Variants in PIK3R1 observed in about 807,000 individuals in gnomAD.
PIK3R1 encodes the protein phosphoinositide-3-kinase regulatory subunit 1.
PIK3R1 carries 29 observed loss-of-function variants against 98.0 expected under a neutral mutation model. The observed-to-expected ratio is 0.30, with a 90% CI of 0.22 to 0.40. The LOEUF (loss-of-function observed/expected upper bound fraction) is 0.40. Ranked by LOEUF, PIK3R1 falls within the 10% of genes least tolerant of loss-of-function variation. The pLI is 1.00. For missense variants in PIK3R1, 596 were observed against 872.7 expected (o/e 0.68, Z 3.99); for synonymous variants, 282 against 311.8 (o/e 0.90, Z 1.01).
chr5:68,295,364 T>C, intron 13 of PIK3R1, 40 bp downstream of exon 13: 1 of 1,611,164 alleles, frequency 6.2e-7, no homozygotes, highest in Non-Finnish European at 8.5e-7. Flanking sequence ...GAATAATTGG[T>C]GATTGCTACA....
intron 2 of PIK3R1, among the ~76,000 whole-genome samples, chr5:68,249,050 A>G (rs1745204698): frequency 1.3e-5 from 2 of 152,226 alleles, no homozygotes; most frequent in Non-Finnish European, 2.9e-5. Context: ...AAATATTACC[A>G]AGGAATTTAA....
At chr5:68,262,608 T>C (rs1488769159) in intron 2 of PIK3R1, among the ~76,000 whole-genome samples, 1 of 146,440 alleles carries the variant, frequency 6.8e-6, no homozygotes, top group African/African-American at 2.5e-5. Flanking sequence ...TGTATACACA[T>C]GTATACACAT....
intron 7 of PIK3R1, among the ~76,000 whole-genome samples, chr5:68,289,493 T>C (rs1197573969): frequency 1.3e-5 from 2 of 151,996 alleles, no homozygotes; most frequent in East Asian, 3.9e-4. Context: ...GTGACATACA[T>C]GTGTACATAG....
chr5:68,233,104 A>T (rs572902604), intron 2 of PIK3R1, among the ~76,000 whole-genome samples: 2 of 152,254 alleles, frequency 1.3e-5, no homozygotes, highest in African/African-American at 2.4e-5. Flanking sequence ...GAAATTCAAC[A>T]ACAAATGCTG....
chr5:68,231,733 C>T (rs1042727509), intron 2 of PIK3R1, among the ~76,000 whole-genome samples: 8 of 152,218 alleles, frequency 5.3e-5, no homozygotes, highest in Non-Finnish European at 8.8e-5. Flanking sequence ...CCTGCCTTTA[C>T]GAATTCTGTT....
chr5:68,277,003 A>G (rs1043908130), intron 4 of PIK3R1, among the ~76,000 whole-genome samples: 2 of 152,110 alleles, frequency 1.3e-5, no homozygotes, highest in Non-Finnish European at 2.9e-5. Flanking sequence ...GTGTCTTGTT[A>G]GAGGGGTGGC....
At chr5:68,295,718 C>A in intron 14 of PIK3R1, 1 of 558,558 alleles carries the variant, frequency 1.8e-6, no homozygotes, top group Non-Finnish European at 3.2e-6. Flanking sequence ...CTCTCTGTGT[C>A]CATAATGATG....
At chr5:68,217,954 CAG>C (rs1308749196) in intron 1 of PIK3R1, among the ~76,000 whole-genome samples, 2 of 152,120 alleles carry the variant, frequency 1.3e-5, no homozygotes, top group African/African-American at 4.8e-5. Context: ...AGTTGCATAA[CAG>C]AACTCTGCAG....
At chr5:68,281,611 G>T (rs1746843437) in intron 7 of PIK3R1, among the ~76,000 whole-genome samples, 1 of 152,164 alleles carries the variant, frequency 6.6e-6, no homozygotes. Flanking sequence ...TTCTACCGTG[G>T]AAAGTCTAAA....
At chr5:68,268,078 T>C (rs906641525) in intron 2 of PIK3R1, among the ~76,000 whole-genome samples, 1 of 152,036 alleles carries the variant, frequency 6.6e-6, no homozygotes, top group Non-Finnish European at 1.5e-5. Context: ...ACGATGCCTG[T>C]CATGTTTATA....
chr5:68,276,789 C>T (rs1746589088), intron 4 of PIK3R1, among the ~76,000 whole-genome samples: 1 of 152,312 alleles, frequency 6.6e-6, no homozygotes, highest in African/African-American at 2.4e-5. Flanking sequence ...TGATATACCT[C>T]ATGTGTTGGA....
At chr5:68,217,085 T>C (rs1041894323) in intron 1 of PIK3R1, among the ~76,000 whole-genome samples, 1 of 151,956 alleles carries the variant, frequency 6.6e-6, no homozygotes, top group African/African-American at 2.4e-5. Context: ...TGATTTTAGG[T>C]TTTTTTTCTT....
intron 15 of PIK3R1, among the ~76,000 whole-genome samples, 154 bp downstream of exon 15, chr5:68,296,495 A>G (rs991848024): frequency 2.0e-5 from 3 of 152,240 alleles, no homozygotes; most frequent in Admixed American, 6.5e-5. Context: ...AAGCAGCTGT[A>G]ATACCATTTT....
intron 2 of PIK3R1, among the ~76,000 whole-genome samples, chr5:68,249,809 G>A (rs1319133411): frequency 1.3e-5 from 2 of 152,134 alleles, no homozygotes. Flanking sequence ...CAGTCACGTA[G>A]CCATTTGAAG....
At chr5:68,280,863 G>C (rs1233684163) in intron 6 of PIK3R1, 64 bp from the exon 7 acceptor site, 13 of 1,265,296 alleles carry the variant, frequency 1.0e-5, no homozygotes, top group Non-Finnish European at 1.5e-5. Flanking sequence ...TCACTTGAGT[G>C]TATATAAATG....
chr5:68,262,589 GTATCTGCATGTATACA>G, intron 2 of PIK3R1, among the ~76,000 whole-genome samples: 1 of 138,746 alleles, frequency 7.2e-6, no homozygotes, highest in Non-Finnish European at 1.6e-5. Context: ...GTATACACAT[GTATCTGCATGTATACA>G]CATGTATACA....
At chr5:68,256,254 G>T (rs1353437254) in intron 2 of PIK3R1, among the ~76,000 whole-genome samples, 1 of 152,114 alleles carries the variant, frequency 6.6e-6, no homozygotes, top group Admixed American at 6.5e-5. Flanking sequence ...TGTTGAGACG[G>T]AGTCTCGCTC....
intron 4 of PIK3R1, among the ~76,000 whole-genome samples, chr5:68,277,137 T>A (rs1176262708): frequency 6.6e-6 from 1 of 152,218 alleles, no homozygotes; most frequent in African/African-American, 2.4e-5. Context: ...ATAAGCAAAT[T>A]CGGTAATATT....
At chr5:68,227,172 T>G (rs767426393) in intron 2 of PIK3R1, among the ~76,000 whole-genome samples, 163 bp downstream of exon 2, 2 of 152,130 alleles carry the variant, frequency 1.3e-5, no homozygotes, top group Admixed American at 1.3e-4. Flanking sequence ...ATTACACAAC[T>G]AGAAATTTGT....
Sources: gnomAD v4.1 joint callset for allele counts (sites outside exome capture counted in the v4.1 genomes callset) on GRCh38, gnomAD v4.1.1 for gene constraint, MANE v1.5 for transcripts, NCBI Gene and HGNC (gene_info 2026-07-23, HGNC 2026-07-21) for gene names.